VSTM4: variants seen among roughly 807,000 people sequenced by gnomAD.
VSTM4 encodes V-set and transmembrane domain containing 4, also known as V-set and transmembrane domain-containing protein 4.
Under a neutral mutation model 36.4 loss-of-function variants are expected in VSTM4, and 20 were observed. The observed-to-expected ratio is 0.55, with a 90% confidence interval of 0.39 to 0.80. VSTM4 has a LOEUF of 0.80. VSTM4 is among the 30% of genes least tolerant of loss of function. The probability of loss-of-function intolerance (pLI) is 0.00; values close to 1 mark genes in which losing one functional copy is unlikely to be tolerated. For synonymous variants in VSTM4, 182 were observed against 173.9 expected (o/e 1.05, Z -0.37); for missense variants, 392 against 404.5 (o/e 0.97, Z 0.26).
chr10:49,054,215 C>T (rs991355756), intron 5 of VSTM4, among the ~76,000 whole-genome samples: 2 of 152,184 alleles, frequency 1.3e-5, no homozygotes, highest in African/African-American at 4.8e-5. Context: ...ATAACAAGAA[C>T]ACTGGAACAG....
chr10:49,110,702 C>T (rs1844877694), intron 1 of VSTM4, among the ~76,000 whole-genome samples: 1 of 152,002 alleles, frequency 6.6e-6, no homozygotes, highest in Non-Finnish European at 1.5e-5. Context: ...GATAAGAACA[C>T]AAACACCACA....
At chr10:49,037,174 G>A (rs1273977045) in intron 7 of VSTM4, among the ~76,000 whole-genome samples, 2 of 152,198 alleles carry the variant, frequency 1.3e-5, no homozygotes, top group African/African-American at 2.4e-5. Context: ...TCCCCAGGGG[G>A]CTGACCTGTC....
chr10:49,068,298 G>T (rs1394577908), intron 4 of VSTM4, among the ~76,000 whole-genome samples: 1 of 152,094 alleles, frequency 6.6e-6, no homozygotes, highest in Non-Finnish European at 1.5e-5. Context: ...CCCATGAGCT[G>T]ACCGGTGTTT....
intron 4 of VSTM4, among the ~76,000 whole-genome samples, chr10:49,075,047 G>A (rs61848377): frequency 0.14 from 21,930 of 152,224 alleles, 2,184 homozygotes; most frequent in Non-Finnish European, 0.22. Flanking sequence ...CTCAGACAAC[G>A]CTCTGGACAG....
At chr10:49,089,661 A>T (rs777341095) in intron 2 of VSTM4, among the ~76,000 whole-genome samples, 2 of 152,228 alleles carry the variant, frequency 1.3e-5, no homozygotes, top group Non-Finnish European at 2.9e-5. Context: ...CGGTGCAGCA[A>T]CTTTGGCATC....
intron 4 of VSTM4, among the ~76,000 whole-genome samples, chr10:49,071,217 T>C (rs1035198116): frequency 6.6e-6 from 1 of 152,252 alleles, no homozygotes; most frequent in Non-Finnish European, 1.5e-5. Flanking sequence ...AGTTCGAGTT[T>C]GTGCCTTAAA....
intron 1 of VSTM4, among the ~76,000 whole-genome samples, chr10:49,111,720 G>T (rs556705635): frequency 6.6e-6 from 1 of 152,332 alleles, no homozygotes; most frequent in South Asian, 2.1e-4. Context: ...CATGCAGCAG[G>T]CATGTTGTGA....
chr10:49,075,603 G>A (rs537077767), intron 4 of VSTM4, among the ~76,000 whole-genome samples: 1 of 152,390 alleles, frequency 6.6e-6, no homozygotes, highest in East Asian at 1.9e-4. Context: ...AGGGAGGTGG[G>A]TATTGCAGGG....
At chr10:49,110,793 C>A (rs924280721) in intron 1 of VSTM4, among the ~76,000 whole-genome samples, 1 of 152,164 alleles carries the variant, frequency 6.6e-6, no homozygotes, top group Admixed American at 6.5e-5. Flanking sequence ...ACCAACCCTG[C>A]CAGCACCTTG....
At chr10:49,042,147 T>A (rs961056369) in intron 7 of VSTM4, among the ~76,000 whole-genome samples, 1 of 152,186 alleles carries the variant, frequency 6.6e-6, no homozygotes, top group African/African-American at 2.4e-5. Context: ...TGCAGGAGAC[T>A]GAATGTAACA....
At chr10:49,059,357 G>A (rs1843835889) in intron 5 of VSTM4, among the ~76,000 whole-genome samples, 1 of 152,202 alleles carries the variant, frequency 6.6e-6, no homozygotes, top group African/African-American at 2.4e-5. Context: ...GGCAGAGAAG[G>A]AGGCAGCCTT....
At chr10:49,036,782 A>C (rs1014441641) in intron 7 of VSTM4, among the ~76,000 whole-genome samples, 6 of 152,258 alleles carry the variant, frequency 3.9e-5, no homozygotes, top group Admixed American at 1.3e-4. Flanking sequence ...GGAACAAGGC[A>C]GGGCATCTCA....
intron 7 of VSTM4, among the ~76,000 whole-genome samples, chr10:49,027,512 T>C (rs1476897920): frequency 3.3e-5 from 5 of 152,178 alleles, no homozygotes. Flanking sequence ...TTCTAAGAAT[T>C]GTAACACAGG....
intron 7 of VSTM4, among the ~76,000 whole-genome samples, chr10:49,041,341 C>G (rs1035288400): frequency 6.6e-5 from 10 of 152,112 alleles, no homozygotes; most frequent in African/African-American, 2.4e-4. Flanking sequence ...CTTCCAATTT[C>G]TTTGTATTTT....
At chr10:49,042,579 C>A (rs1843537923) in intron 7 of VSTM4, among the ~76,000 whole-genome samples, 1 of 152,198 alleles carries the variant, frequency 6.6e-6, no homozygotes, top group Non-Finnish European at 1.5e-5. Flanking sequence ...TGACTGCAAC[C>A]CACAAGCTGT....
chr10:49,050,890 C>T (rs1375156052), intron 5 of VSTM4, among the ~76,000 whole-genome samples: 1 of 152,126 alleles, frequency 6.6e-6, no homozygotes, highest in Non-Finnish European at 1.5e-5. Context: ...TGCTTTTAAA[C>T]AGACTTTATT....
At chr10:49,088,190 A>G (rs772130194) in intron 2 of VSTM4, among the ~76,000 whole-genome samples, 21 of 152,102 alleles carry the variant, frequency 1.4e-4, no homozygotes, top group Non-Finnish European at 2.8e-4. Context: ...TGCCATTAGA[A>G]CTTAAATTAT....
intron 5 of VSTM4, among the ~76,000 whole-genome samples, chr10:49,063,106 A>T (rs922306890): frequency 2.6e-5 from 4 of 151,480 alleles, no homozygotes; most frequent in Non-Finnish European, 5.9e-5. Flanking sequence ...TTGGAGGATG[A>T]GGTGGGTGGA....
intron 2 of VSTM4, chr10:49,103,985 ACTT>A: frequency 1.3e-6 from 1 of 742,210 alleles, no homozygotes; most frequent in Non-Finnish European, 2.2e-6. Flanking sequence ...GGACCACAGA[ACTT>A]CTCATCCTTG....
Sources: allele counts gnomAD v4.1 joint callset (sites outside exome capture counted in the v4.1 genomes callset), GRCh38; gene constraint gnomAD v4.1.1; transcripts MANE v1.5; gene names NCBI Gene and HGNC (gene_info 2026-07-23, HGNC 2026-07-21).